The following UBE2E2 variants were observed in gnomAD, a reference collection of about 807,000 sequenced individuals.
UBE2E2 encodes the protein ubiquitin conjugating enzyme E2 E2.
A neutral mutation model predicts 24.7 loss-of-function variants in UBE2E2; 6 were observed. The observed-to-expected ratio is 0.24, with a 90% CI of 0.13 to 0.48. UBE2E2 has a LOEUF of 0.48. Among genes scored for constraint, UBE2E2 ranks in the 20% least tolerant of loss-of-function variants. The probability of loss-of-function intolerance (pLI) is 0.99; values close to 1 mark genes in which losing one functional copy is unlikely to be tolerated. For synonymous variants in UBE2E2, 104 were observed against 83.6 expected, an observed-to-expected ratio of 1.24 and a Z score of -1.33; for missense variants, 169 against 245.0, an observed-to-expected ratio of 0.69 and a Z score of 2.07.
At chr3:23,321,357 T>C (rs934606525) in intron 3 of UBE2E2, among the ~76,000 whole-genome samples, 1 of 152,080 alleles carries the variant, frequency 6.6e-6, no homozygotes, top group Admixed American at 6.6e-5. Context: ...CCTGTGTGTA[T>C]ACTTGTTTGT....
At chr3:23,203,496 T>G in intron 1 of UBE2E2, 32 bp downstream of exon 1, 1 of 928,912 alleles carries the variant, frequency 1.1e-6, no homozygotes, top group South Asian at 5.2e-5. Context: ...GTGCCTCCCC[T>G]CCTCGGGCGT....
intron 2 of UBE2E2, 114 bp downstream of exon 2, chr3:23,208,989 T>C: frequency 8.6e-7 from 1 of 1,161,914 alleles, no homozygotes; most frequent in African/African-American, 1.6e-5. Flanking sequence ...ACTTCATGGA[T>C]TTTTCTTTTC....
intron 3 of UBE2E2, among the ~76,000 whole-genome samples, chr3:23,387,944 A>G (rs1392841400): frequency 3.3e-5 from 5 of 152,232 alleles, no homozygotes; most frequent in Admixed American, 6.5e-5. Context: ...GCAAAATTAC[A>G]GAAGAGACAT....
intron 4 of UBE2E2, among the ~76,000 whole-genome samples, chr3:23,519,703 G>T (rs1263757356): frequency 1.3e-5 from 2 of 152,076 alleles, no homozygotes; most frequent in Admixed American, 6.5e-5. Context: ...TTGAGACAGG[G>T]TCTCGCTCTA....
intron 1 of UBE2E2, among the ~76,000 whole-genome samples, chr3:23,205,099 A>G (rs1333480852): frequency 6.6e-6 from 1 of 152,236 alleles, no homozygotes; most frequent in Non-Finnish European, 1.5e-5. Context: ...AGCTAATACA[A>G]GCTTAGACAG....
chr3:23,268,483 T>A (rs1233601955), intron 3 of UBE2E2, among the ~76,000 whole-genome samples: 1 of 150,786 alleles, frequency 6.6e-6, no homozygotes, highest in Non-Finnish European at 1.5e-5. Flanking sequence ...TACCTAGGAA[T>A]CCAACTTACA....
chr3:23,271,668 C>T (rs926910178), intron 3 of UBE2E2, among the ~76,000 whole-genome samples: 9 of 152,148 alleles, frequency 5.9e-5, no homozygotes, highest in Admixed American at 2.0e-4. Context: ...TATTTACAAT[C>T]CTCTAGCTAG....
chr3:23,568,784 T>C lies in UBE2E2; in HGVS notation c.509-20950T>C, dbSNP rs369791075. On this transcript the variant is annotated intron_variant, in intron 5 of 5. Coordinates refer to ENST00000396703, the MANE Select transcript of UBE2E2 (RefSeq NM_152653.4). Reference sequence around the variant, plus strand: ...CTTTATAAAATACCTGGATACCTGGTGGGTATAGACTAATGCAGAATAAGC... The same window carrying C: ...CTTTATAAAATACCTGGATACCTGGCGGGTATAGACTAATGCAGAATAAGC... Among the ~76,000 whole-genome samples, 27 of 150,744 alleles carry C rather than the reference T, an allele frequency of 1.8e-4. No homozygotes were observed. The South Asian group carries it at 2.1e-3, about 12-fold the overall frequency.
At chr3:23,319,122 AC>A (rs1694672901) in intron 3 of UBE2E2, among the ~76,000 whole-genome samples, 1 of 152,226 alleles carries the variant, frequency 6.6e-6, no homozygotes, top group African/African-American at 2.4e-5. Flanking sequence ...CTTATTTAAA[AC>A]CGTAAGCCAA....
At chr3:23,509,904 A>G (rs536981544) in intron 4 of UBE2E2, among the ~76,000 whole-genome samples, 1 of 152,136 alleles carries the variant, frequency 6.6e-6, no homozygotes, top group African/African-American at 2.4e-5. Context: ...AAAGGACATG[A>G]ACTCATCATT....
chr3:23,533,213 C>CA, intron 5 of UBE2E2, among the ~76,000 whole-genome samples: 1 of 152,292 alleles, frequency 6.6e-6, no homozygotes, highest in Middle Eastern at 3.4e-3. Flanking sequence ...CAAGGAAATA[C>CA]ACCTCCCAAG....
chr3:23,250,878 G>C (rs923924271), intron 3 of UBE2E2, among the ~76,000 whole-genome samples: 1 of 152,072 alleles, frequency 6.6e-6, no homozygotes, highest in Non-Finnish European at 1.5e-5. Flanking sequence ...ATTTATTGGA[G>C]ACAGAGTCGC....
chr3:23,530,776 G>A (rs951702166), intron 4 of UBE2E2, among the ~76,000 whole-genome samples: 2 of 152,056 alleles, frequency 1.3e-5, no homozygotes, highest in Admixed American at 6.6e-5. Context: ...CAACATACAG[G>A]CCTAAGATTT....
rs1575653627 is a variant in UBE2E2 at position 23,474,158 on chromosome 3, CAT to C, written c.228-25447_228-25446del. Among the ~76,000 whole-genome samples, 3 of 151,786 alleles carry C rather than the reference CAT, an allele frequency of 2.0e-5. No individual in the cohort carries two copies. The highest frequency in any genetic ancestry group is 2.1e-4 in the South Asian group (1 of 4,818). ...TCATTAGTGATGTTGAGCATTTTTT[CAT>C]ATGTTTGTTGGCCATTTTTATATCT... On this transcript the variant is annotated intron_variant, in intron 3 of 5. Coordinates refer to ENST00000396703, the MANE Select transcript of UBE2E2 (RefSeq NM_152653.4). The surrounding 1 kb of genome is among the most constrained non-coding windows in gnomAD (Gnocchi z 4.0).
At chr3:23,405,756 C>T (rs1223791247) in intron 3 of UBE2E2, among the ~76,000 whole-genome samples, 1 of 152,078 alleles carries the variant, frequency 6.6e-6, no homozygotes, top group African/African-American at 2.4e-5. Flanking sequence ...TAGTTTTAAC[C>T]TTTATTTATG....
intron 3 of UBE2E2, among the ~76,000 whole-genome samples, chr3:23,491,326 C>T (rs1699490589): frequency 6.6e-6 from 1 of 152,024 alleles, no homozygotes; most frequent in Admixed American, 6.5e-5. Flanking sequence ...TTCTTTTTTT[C>T]CTTTGATCCA....
chr3:23,542,929 A>C (rs1286956463), intron 5 of UBE2E2, among the ~76,000 whole-genome samples: 1 of 152,196 alleles, frequency 6.6e-6, no homozygotes, highest in East Asian at 1.9e-4. Flanking sequence ...CTCTTAATTA[A>C]TATAAATGTC....
chr3:23,380,086 TAAAA>T (rs10559253), intron 3 of UBE2E2, among the ~76,000 whole-genome samples: 20 of 136,312 alleles, frequency 1.5e-4, no homozygotes, highest in Admixed American at 2.9e-4. Flanking sequence ...TTGATTACTG[TAAAA>T]AAAAAAAAAA....
intron 3 of UBE2E2, among the ~76,000 whole-genome samples, chr3:23,397,903 G>C (rs947077147): frequency 9.9e-5 from 15 of 152,014 alleles, no homozygotes; most frequent in Non-Finnish European, 2.1e-4. Flanking sequence ...CTTGTGTAGA[G>C]TGAAAACTAA....
Sources: gnomAD v4.1 joint callset for allele counts (sites outside exome capture counted in the v4.1 genomes callset) on GRCh38, gnomAD v4.1.1 for gene constraint, Gnocchi (gnomAD v3.1) non-coding constraint, MANE v1.5 for transcripts, NCBI Gene and HGNC (gene_info 2026-07-23, HGNC 2026-07-21) for gene names.